FAM184A: variants seen among roughly 807,000 people sequenced by gnomAD.
FAM184A encodes the protein family with sequence similarity 184 member A.
FAM184A carries 99 observed loss-of-function variants against 143.8 expected under a neutral mutation model. The ratio of observed to expected loss-of-function variants is 0.69; its 90% CI spans 0.58 to 0.81. The LOEUF (loss-of-function observed/expected upper bound fraction) is 0.81. Ranked by LOEUF, FAM184A falls within the 40% of genes least tolerant of loss-of-function variation. The pLI, the probability that FAM184A is intolerant of heterozygous loss-of-function variation, is 0.00. For synonymous variants in FAM184A, 427 were observed against 446.4 expected, an observed-to-expected ratio of 0.96 and a Z score of 0.55; for missense variants, 1,217 against 1,310.5, an observed-to-expected ratio of 0.93 and a Z score of 1.10.
intron 9 of FAM184A, among the ~76,000 whole-genome samples, chr6:118,996,940 G>A (rs1169600411): frequency 6.6e-6 from 1 of 150,554 alleles, no homozygotes; most frequent in African/African-American, 2.4e-5. Flanking sequence ...GGCCGGGCTG[G>A]TCTTGAATTC....
At chr6:119,135,717 A>T (rs1361218166) in intron 1 of FAM184A, among the ~76,000 whole-genome samples, 1 of 152,144 alleles carries the variant, frequency 6.6e-6, no homozygotes, top group Non-Finnish European at 1.5e-5. Context: ...TGTTCTCAGA[A>T]TTCCCTCAGA....
Position 119,098,885 on chromosome 6 carries a change from G to A in FAM184A, c.-202+50193C>T, listed in dbSNP as rs569012658. Among the ~76,000 whole-genome samples the A allele has an allele frequency of 2.6e-5, 4 of 152,274 alleles. No individual in the cohort carries two copies. The South Asian group carries it at 8.3e-4, about 32-fold the overall frequency. ...GGCACTTTGGGAGGCCGATGCGGGT[G>A]GATCACCTGAAGTCAAGAGTGGGAG... is the stretch of plus-strand genomic sequence containing the variant. On this transcript the variant is annotated intron_variant, in intron 1 of 16. Transcript: ENST00000352896.
intron 1 of FAM184A, among the ~76,000 whole-genome samples, chr6:119,138,815 C>T (rs7766513): frequency 0.35 from 53,445 of 151,818 alleles, 11,626 homozygotes; most frequent in Non-Finnish European, 0.47. Context: ...TTAGTAGAGA[C>T]GGGGTTTCTC....
intron 1 of FAM184A, among the ~76,000 whole-genome samples, chr6:119,147,598 C>T (rs1315504613): frequency 6.6e-6 from 1 of 152,156 alleles, no homozygotes; most frequent in African/African-American, 2.4e-5. Flanking sequence ...CCCTTATGTA[C>T]AATAAATAAC....
At chr6:119,112,268 A>G (rs549200436) in intron 1 of FAM184A, among the ~76,000 whole-genome samples, 65 of 151,910 alleles carry the variant, frequency 4.3e-4, no homozygotes, top group African/African-American at 1.5e-3. Context: ...AGTAGCTGGG[A>G]TTACAGGCAC....
chr6:119,096,509 G>A lies in FAM184A; in HGVS notation c.-202+52569C>T, dbSNP rs1432196917. Among the ~76,000 whole-genome samples the A allele has an allele frequency of 4.7e-5, 4 of 85,688 alleles. 2 individuals are homozygous for A. The highest frequency in any genetic ancestry group is 1.7e-4 in the African/African-American group (4 of 23,472). The allele number at this position is 85,688 out of a possible 152,430, so 56.2% of individuals were successfully genotyped here. A position where few individuals can be genotyped will look rare whatever the true frequency, so the allele number is the denominator to read the frequency against. The stretch of plus-strand genomic sequence containing the variant: ...AAATTAGCCGGGCGCGGTGGCGGGC[G>A]CCTGTAGTCCCAGCTACTCGGGAGG... On this transcript the variant is annotated intron_variant, in intron 1 of 16. Coordinates refer to the FAM184A transcript ENST00000352896.
chr6:119,076,409 C>A (rs953113506), intron 1 of FAM184A, among the ~76,000 whole-genome samples: 2 of 152,130 alleles, frequency 1.3e-5, no homozygotes, highest in Admixed American at 1.3e-4. Flanking sequence ...CCTGAGAGCA[C>A]CCTCTTGTCT....
At chr6:118,991,076 T>C (rs1230939851) in intron 9 of FAM184A, among the ~76,000 whole-genome samples, 1 of 151,986 alleles carries the variant, frequency 6.6e-6, no homozygotes, top group African/African-American at 2.4e-5. Flanking sequence ...AAAAGTATTA[T>C]GATTTTTAAA....
At chr6:119,147,404 A>G (rs1315312023) in intron 1 of FAM184A, among the ~76,000 whole-genome samples, 1 of 151,468 alleles carries the variant, frequency 6.6e-6, no homozygotes, top group East Asian at 1.9e-4. Flanking sequence ...GCCAATTCCA[A>G]CTCCTCATTG....
At chr6:118,970,008 A>ATTTTTTTTTTTTT (rs11272298) in intron 14 of FAM184A, among the ~76,000 whole-genome samples, 1 of 19,050 alleles carries the variant, frequency 5.2e-5, no homozygotes, top group African/African-American at 1.5e-4. Flanking sequence ...ATATATATAT[A>ATTTTTTTTTTTTT]TTTTTTTTTT....
chr6:119,103,116 G>C (rs950797854), intron 1 of FAM184A, among the ~76,000 whole-genome samples: 51 of 152,176 alleles, frequency 3.4e-4, no homozygotes, highest in African/African-American at 1.2e-3. Flanking sequence ...TCAGGGACCT[G>C]GTTCTTGTCC....
chr6:119,025,133 G>A (rs1050084319), intron 1 of FAM184A, among the ~76,000 whole-genome samples: 33 of 152,274 alleles, frequency 2.2e-4, no homozygotes, highest in African/African-American at 7.9e-4. Flanking sequence ...TGGCCTAAGA[G>A]AAAGGAGTTC....
At chr6:119,144,530 G>A (rs999048367) in intron 1 of FAM184A, among the ~76,000 whole-genome samples, 12 of 152,188 alleles carry the variant, frequency 7.9e-5, no homozygotes, top group African/African-American at 2.2e-4. Flanking sequence ...TAGAGTCAGC[G>A]TGGCTCAGGT....
At chr6:119,122,923 TGAAAAAAAAAAAAAA>T (rs1195712129) in intron 1 of FAM184A, among the ~76,000 whole-genome samples, 1 of 58,902 alleles carries the variant, frequency 1.7e-5, no homozygotes, top group African/African-American at 7.7e-5. Flanking sequence ...AGACCCTGTC[TGAAAAAAAAAAAAAA>T]AAAAAAAAAA....
chr6:119,121,795 T>C (rs1789220456), intron 1 of FAM184A, among the ~76,000 whole-genome samples: 1 of 152,238 alleles, frequency 6.6e-6, no homozygotes, highest in Non-Finnish European at 1.5e-5. Context: ...CATGAAGATC[T>C]GAACTGTCAG....
At chr6:119,102,800 AAAAAAAAG>A in intron 1 of FAM184A, among the ~76,000 whole-genome samples, 1 of 150,176 alleles carries the variant, frequency 6.7e-6, no homozygotes, top group African/African-American at 2.4e-5. Flanking sequence ...AAAAAAAAAA[AAAAAAAAG>A]AAAAGAAAAA....
chr6:118,962,157 C>T, intron 16 of FAM184A, 194 bp from the exon 17 acceptor site: 1 of 584,860 alleles, frequency 1.7e-6, no homozygotes, highest in Non-Finnish European at 3.0e-6. Flanking sequence ...ATGGAATCCT[C>T]AAAGACAGAC....
chr6:119,038,389 A>G (rs184868714), intron 1 of FAM184A, among the ~76,000 whole-genome samples: 16 of 152,288 alleles, frequency 1.1e-4, no homozygotes, highest in Admixed American at 9.8e-4. Context: ...TCACAGGATG[A>G]GATAGGAGGT....
chr6:119,062,356 C>A (rs1582572002), intron 1 of FAM184A, among the ~76,000 whole-genome samples: 1 of 152,054 alleles, frequency 6.6e-6, no homozygotes, highest in Non-Finnish European at 1.5e-5. Flanking sequence ...TAACCAGGTA[C>A]ACAGGGCATA....
Sources: gnomAD v4.1 joint callset for allele counts (sites outside exome capture counted in the v4.1 genomes callset) on GRCh38, gnomAD v4.1.1 for gene constraint, MANE v1.5 for transcripts, NCBI Gene and HGNC (gene_info 2026-07-23, HGNC 2026-07-21) for gene names.